Variants in CHD3 observed in about 807,000 individuals in gnomAD.
The protein encoded by CHD3 is ATP-dependent chromatin remodeler CHD3.
In CHD3, 52 loss-of-function variants were observed where a neutral mutation model predicts 248.9. That is an observed-to-expected ratio of 0.21 (90% CI 0.17 to 0.26). CHD3 has a LOEUF of 0.26. Among genes scored for constraint, CHD3 ranks in the 10% least tolerant of loss-of-function variants. CHD3 has a pLI of 1.00. For synonymous variants in CHD3, 985 were observed against 985.2 expected, an observed-to-expected ratio of 1.00 and a Z score of 0.00; for missense variants, 1,482 against 2,605.8, an observed-to-expected ratio of 0.57 and a Z score of 9.39.
upstream of CHD3, among the ~76,000 whole-genome samples, chr17:7,886,467 G>A (rs1035839332): frequency 6.6e-6 from 1 of 152,182 alleles, no homozygotes; most frequent in African/African-American, 2.4e-5. This position sits in a 1 kb window ranked among gnomAD's most constrained non-coding sequence, Gnocchi z 4.2. Context: ...TTGTAAAACT[G>A]TCATATTGAT....
Position 7,899,887 on chromosome 17 carries a change from T to G in CHD3, c.2545-9T>G. 1 of 1,610,446 alleles carries G rather than the reference T, an allele frequency of 6.2e-7. No individual in the cohort carries two copies. The highest frequency in any genetic ancestry group is 8.5e-7 in the Non-Finnish European group (1 of 1,177,928). On this transcript the variant is annotated splice_polypyrimidine_tract_variant and intron_variant, in intron 15 of 39. Transcript: ENST00000330494. The surrounding 1 kb of genome is among the most constrained non-coding windows in gnomAD (Gnocchi z 6.8). ...GTGGCAGCTGAATGGGCAATAATTA[T>G]GTTGGCAGAGGGAGGCACAGGTGAA...
In CHD3 at chr17:7,910,865, T is replaced by C. The variant is rs774924497; in HGVS notation, c.5773T>C (p.Tyr1925His). Residue 1925 changes from tyrosine (Y) to histidine (H), a missense_variant, in exon 39 of 40, where the codon TAC (tyrosine) becomes CAC (histidine). By Grantham distance (83) the Tyr-to-His change is moderately conservative. Around this residue, in one of 20 missense-constraint regions of CHD3, gnomAD observed 117 missense variants for 137.2 expected, o/e 0.85. Transcript: ENST00000330494. This position sits in a 1 kb window ranked among gnomAD's most constrained non-coding sequence, Gnocchi z 4.7. ...HPTPAYPPGP[Y>H]ATPPGYGAAF... ...GTTCCAGGCCTACCCGCCGGGTCCC[T>C]ACGCTACACCTCCGGGGTACGGGGC... is the stretch of plus-strand genomic sequence containing the variant. 6.2e-6 allele frequency: 10 copies of C among 1,608,452 alleles called. No individual in the cohort carries two copies. Among genetic ancestry groups the C allele is most frequent in the African/African-American group, 1.3e-5 (1 of 74,324 alleles).
chr17:7,892,346 CAA>C (rs1379284358), intron 4 of CHD3, among the ~76,000 whole-genome samples: 2 of 152,076 alleles, frequency 1.3e-5, no homozygotes, highest in Non-Finnish European at 2.9e-5. Context: ...CATAGCAACT[CAA>C]GAGTATTATT....
intron 6 of CHD3, 35 bp from the exon 7 acceptor site, chr17:7,894,080 G>C: frequency 1.3e-6 from 2 of 1,518,706 alleles, no homozygotes; most frequent in Non-Finnish European, 1.8e-6. Flanking sequence ...GTAGAATGAA[G>C]TCTGCCTCAC....
chr17:7,885,433 T>C (rs1967742031), upstream of CHD3, among the ~76,000 whole-genome samples: 5 of 149,776 alleles, frequency 3.3e-5, no homozygotes, highest in Admixed American at 2.6e-4. Context: ...GGAGGAGGTT[T>C]TTTTTTTACC....
chr17:7,901,346 C>G lies in CHD3; in HGVS notation c.3223C>G (p.Gln1075Glu), dbSNP rs1970275415. 1 of 1,613,264 alleles carries G rather than the reference C, an allele frequency of 6.2e-7. No homozygotes were observed. The highest frequency in any genetic ancestry group is 1.7e-5 in the Admixed American group (1 of 59,908). ...LQKMLRKLKE[Q>E]GHRVLIFSQM... is the part of the protein sequence containing the mutation. ...GAAGATGCTGCGAAAGCTGAAGGAG[C>G]AAGGACACCGAGTGCTCATCTTCTC... is the stretch of plus-strand genomic sequence containing the variant. The change falls in exon 20 of 40, where the codon CAA (glutamine) becomes GAA (glutamate). Residue 1075 changes from glutamine (Q) to glutamate (E), a missense_variant. Coordinates refer to ENST00000330494, the MANE Select transcript of CHD3 (RefSeq NM_001005273.3).
chr17:7,893,135 T>C (rs1438827832), intron 4 of CHD3, 151 bp from the exon 5 acceptor site: 8 of 1,229,994 alleles, frequency 6.5e-6, no homozygotes, highest in Non-Finnish European at 8.6e-6. Flanking sequence ...CTTCTTTTTA[T>C]TTATTTTTTT....
At chr17:7,898,426 G>A in intron 12 of CHD3, 70 bp from the exon 13 acceptor site, 1 of 1,160,640 alleles carries the variant, frequency 8.6e-7, no homozygotes. Flanking sequence ...AGTAGGTCTG[G>A]AATGGGTTCA....
chr17:7,906,009 G>A lies in CHD3; in HGVS notation c.4358+20G>A, dbSNP rs1377681617. 1.2e-6 allele frequency: 2 copies of A among 1,612,902 alleles called. No individual in the cohort carries two copies. The highest frequency in any genetic ancestry group is 1.7e-6 in the Non-Finnish European group (2 of 1,179,268). ...GTTTAAGTGAGTGTGGGTGATACAG[G>A]GCTGAGTTGGACGCAAGGGGAAGAG... On this transcript the variant is annotated intron_variant, in intron 28 of 39. Transcript: ENST00000330494. This position sits in a 1 kb window ranked among gnomAD's most constrained non-coding sequence, Gnocchi z 5.0.
chr17:7,889,810 G>T lies in CHD3; in HGVS notation c.213+34G>T, dbSNP rs772319972. 1.3e-5 allele frequency: 20 copies of T among 1,563,170 alleles called. No homozygotes were observed. In the South Asian group the frequency reaches 1.9e-4, roughly 15 times the overall value. ...CAAGAATTCCTAACTCTGTGGCAAG[G>T]CTCAAGAGACCCATTCTCAGAGACC... On this transcript the variant is annotated intron_variant, in intron 2 of 39. Transcript: ENST00000330494. This position sits in a 1 kb window ranked among gnomAD's most constrained non-coding sequence, Gnocchi z 4.5.
intron 2 of CHD3, among the ~76,000 whole-genome samples, chr17:7,890,245 A>G (rs1968633702): frequency 2.6e-5 from 4 of 152,114 alleles, no homozygotes; most frequent in African/African-American, 4.8e-5. Flanking sequence ...AGCCTGGCCA[A>G]TGTGGTGAAA....
chr17:7,909,705 G>A lies in CHD3; in HGVS notation c.5590+367G>A. On this transcript the variant is annotated intron_variant, in intron 37 of 39. Coordinates refer to ENST00000330494, the MANE Select transcript of CHD3 (RefSeq NM_001005273.3). The surrounding 1 kb of genome is among the most constrained non-coding windows in gnomAD (Gnocchi z 8.1). The stretch of plus-strand genomic sequence containing the variant: ...CTGTGAATGCACCATACAGATCCCT[G>A]GCTGTGATCAAACAAATCACATTCC... 2 of 260,216 alleles carry A rather than the reference G, an allele frequency of 7.7e-6. No individual in the cohort carries two copies. The highest frequency in any genetic ancestry group is 1.5e-5 in the Non-Finnish European group (2 of 136,542). The allele number at this position is 260,216 out of a possible 1,614,324, so 16.1% of individuals were successfully genotyped here.
At chr17:7,886,240 C>T (rs1316990298), upstream of CHD3, among the ~76,000 whole-genome samples, 1 of 152,244 alleles carries the variant, frequency 6.6e-6, no homozygotes, top group African/African-American at 2.4e-5. The surrounding 1 kb of genome is among the most constrained non-coding windows in gnomAD (Gnocchi z 4.2). Context: ...CTCTGGGCGG[C>T]GCTCTCCAGA....
Position 7,909,360 on chromosome 17 carries a change from C to T in CHD3, c.5590+22C>T, listed in dbSNP as rs1390710608. On this transcript the variant is annotated intron_variant, in intron 37 of 39. Coordinates refer to ENST00000330494, the MANE Select transcript of CHD3 (RefSeq NM_001005273.3). The surrounding 1 kb of genome is among the most constrained non-coding windows in gnomAD (Gnocchi z 8.1). The stretch of plus-strand genomic sequence containing the variant: ...AAGGGTAAGGGCCGCGGCGGCCCCG[C>T]GCGGGGGAGGGCCCACAACGCTGCG... 6.6e-6 allele frequency: 10 copies of T among 1,524,870 alleles called. No individual in the cohort carries two copies. The highest frequency in any genetic ancestry group is 2.1e-5 in the Admixed American group (1 of 48,256). 94.5% of individuals were successfully genotyped at this position (1,524,870 alleles called of 1,614,324 possible). A position where few individuals can be genotyped will look rare whatever the true frequency, so the allele number is the denominator to read the frequency against.
In CHD3 at chr17:7,895,258, G is replaced by A. The variant is rs1969479973; in HGVS notation, c.1504-81G>A. 1.3e-6 allele frequency: 2 copies of A among 1,584,382 alleles called. No homozygotes were observed. The highest frequency in any genetic ancestry group is 2.3e-5 in the South Asian group (2 of 86,678). On this transcript the variant is annotated intron_variant, in intron 9 of 39. Transcript: ENST00000330494. The surrounding 1 kb of genome is among the most constrained non-coding windows in gnomAD (Gnocchi z 4.9). ...CATTTCTCTGCACTCCCCCACCCTT[G>A]TGGGACCCCTATCTTCTCATCTAAC...
At position 7,899,847 on chromosome 17, in the gene CHD3, G is replaced by T. The variant is rs1302474166; in HGVS notation, c.2545-49G>T. ...AAGGTGTCTGGTTCTGGAGGTGTAGGTGCATGGTTGTCAGGTGGCAGCTGA... is the reference window on the plus strand; with the variant it reads ...AAGGTGTCTGGTTCTGGAGGTGTAGTTGCATGGTTGTCAGGTGGCAGCTGA... On this transcript the variant is annotated intron_variant, in intron 15 of 39. Coordinates refer to ENST00000330494, the MANE Select transcript of CHD3 (RefSeq NM_001005273.3). The surrounding 1 kb of genome is among the most constrained non-coding windows in gnomAD (Gnocchi z 6.8). 1.9e-6 allele frequency: 3 copies of T among 1,599,578 alleles called. No individual in the cohort carries two copies. Among genetic ancestry groups the T allele is most frequent in the Non-Finnish European group, 2.6e-6 (3 of 1,170,762 alleles).
Position 7,894,196 on chromosome 17 carries a change from G to T in CHD3, c.1006G>T (p.Gly336Cys). The change falls in exon 7 of 40, where the codon GGC (glycine) becomes TGC (cysteine). Residue 336 changes from glycine (G) to cysteine (C), a missense_variant. Gly to Cys is a radical substitution (Grantham distance 159). This residue lies in a region of CHD3 where 149 missense variants were observed against 182.6 expected (regional missense o/e 0.82). Coordinates refer to ENST00000330494, the MANE Select transcript of CHD3 (RefSeq NM_001005273.3). ...LDSGSVHSAS[G>C]RPDGPVRTKK... The stretch of plus-strand genomic sequence containing the variant: ...CAGTGGCAGTGTCCACAGTGCCTCA[G>T]GCCGGCCTGATGGCCCTGTCCGCAC... 2 of 1,614,256 alleles carry T rather than the reference G, an allele frequency of 1.2e-6. No individual in the cohort carries two copies. Among genetic ancestry groups the T allele is most frequent in the South Asian group, 2.2e-5 (2 of 91,092 alleles).
chr17:7,895,072 C>T lies in CHD3; in HGVS notation c.1425C>T (p.Ile475=), dbSNP rs753740590. ...AGCTCCTGTGCTGTGACGCGTGCAT[C>T]TCCTCCTACCACATTCATTGTCTAA... ...GGELLCCDAC[I]SSYHIHCLNP... Residue 475 remains isoleucine, a synonymous_variant, in exon 9 of 40, where the codon ATC becomes ATT. Transcript: ENST00000330494. This position sits in a 1 kb window ranked among gnomAD's most constrained non-coding sequence, Gnocchi z 4.9. 3.1e-6 allele frequency: 5 copies of T among 1,613,996 alleles called. No homozygotes were observed. In the South Asian group the frequency reaches 4.4e-5, roughly 14 times the overall value.
At chr17:7,886,630 T>G (rs1967994562), upstream of CHD3, among the ~76,000 whole-genome samples, 1 of 151,810 alleles carries the variant, frequency 6.6e-6, no homozygotes, top group East Asian at 1.9e-4. This position sits in a 1 kb window ranked among gnomAD's most constrained non-coding sequence, Gnocchi z 4.2. Flanking sequence ...AAGGGTAAAG[T>G]TTTGAAAAAG....
Sources: allele counts gnomAD v4.1 joint callset (sites outside exome capture counted in the v4.1 genomes callset), GRCh38; gene constraint gnomAD v4.1.1; regional missense constraint gnomAD v4.1.1; non-coding constraint Gnocchi (gnomAD v3.1); transcripts MANE v1.5; gene names NCBI Gene and HGNC (gene_info 2026-07-23, HGNC 2026-07-21).